The following RPS6KA2 variants were observed in gnomAD, a reference collection of about 807,000 sequenced individuals.
The protein encoded by RPS6KA2 is ribosomal protein S6 kinase alpha-2.
A neutral mutation model predicts 91.8 loss-of-function variants in RPS6KA2; 42 were observed. The ratio of observed to expected loss-of-function variants is 0.46; its 90% CI spans 0.36 to 0.59. The LOEUF is 0.59. Ranked by LOEUF, RPS6KA2 falls within the 20% of genes least tolerant of loss-of-function variation. The pLI is 0.00. For missense variants in RPS6KA2, 798 were observed against 978.5 expected (o/e 0.82, Z 2.46); for synonymous variants, 414 against 393.6 (o/e 1.05, Z -0.61).
In RPS6KA2 at chr6:166,413,949, G is replaced by A. The variant is rs13206530; in HGVS notation, c.1939-18C>T. 6 of 1,611,056 alleles carry A rather than the reference G, an allele frequency of 3.7e-6. No homozygotes were observed. Among genetic ancestry groups the A allele is most frequent in the Non-Finnish European group, 5.1e-6 (6 of 1,179,102 alleles). ...ACGACGTCCTGCCAGGGAAGGTCAT[G>A]AGAGTCGGGGGGATGGTTGGATCAT... On this transcript the variant is annotated intron_variant, in intron 19 of 20. Transcript: ENST00000265678.
chr6:166,591,282 G>A (rs1785346520), intron 1 of RPS6KA2, among the ~76,000 whole-genome samples: 1 of 152,198 alleles, frequency 6.6e-6, no homozygotes, highest in African/African-American at 2.4e-5. Flanking sequence ...CCACACTGGA[G>A]TGCCTTCTGG....
intron 1 of RPS6KA2, among the ~76,000 whole-genome samples, chr6:166,565,760 T>C (rs1784481456): frequency 6.6e-6 from 1 of 152,154 alleles, no homozygotes; most frequent in South Asian, 2.1e-4. Flanking sequence ...GGGGTGCTCC[T>C]GTGTGGGCCA....
chr6:166,710,127 T>C (rs1789799778), intron 2 of RPS6KA2, among the ~76,000 whole-genome samples: 2 of 152,224 alleles, frequency 1.3e-5, no homozygotes, highest in African/African-American at 4.8e-5. Context: ...ACAAATCTCA[T>C]AGTTTACCTT....
rs1164525407 is a variant in RPS6KA2 at position 166,412,090 on chromosome 6, A to C, written c.*672T>G. 6.6e-6 allele frequency: 1 copy of C among 152,310 alleles called. No homozygotes were observed. The highest frequency in any genetic ancestry group is 1.5e-5 in the Non-Finnish European group (1 of 68,048). 9.4% of individuals were successfully genotyped at this position (152,310 alleles called of 1,614,324 possible). On this transcript the variant is annotated 3_prime_UTR_variant, in exon 21 of 21. Transcript: ENST00000265678. The surrounding 1 kb of genome is among the most constrained non-coding windows in gnomAD (Gnocchi z 4.3). The stretch of plus-strand genomic sequence containing the variant: ...GTGACACGGAGCTCTCAAGGCAAAG[A>C]TCCAGCCTGCCTTCCTCTCGTCTGG...
intron 6 of RPS6KA2, among the ~76,000 whole-genome samples, chr6:166,502,683 G>A (rs1268470661): frequency 4.6e-5 from 7 of 152,200 alleles, no homozygotes; most frequent in African/African-American, 1.7e-4. Flanking sequence ...CCTTGGCAAC[G>A]ACCCAAGGTG....
Position 166,626,873 on chromosome 6 carries a change from G to T in RPS6KA2, c.99+48C>A. The T allele has an allele frequency of 7.1e-7, 1 of 1,399,792 alleles. No individual in the cohort carries two copies. Among genetic ancestry groups the T allele is most frequent in the Non-Finnish European group, 9.4e-7 (1 of 1,063,934 alleles). 86.7% of individuals were successfully genotyped at this position (1,399,792 alleles called of 1,614,324 possible). A position where few individuals can be genotyped will look rare whatever the true frequency, so the allele number is the denominator to read the frequency against. On this transcript the variant is annotated intron_variant, in intron 1 of 20. Transcript: ENST00000265678. The surrounding 1 kb of genome is among the most constrained non-coding windows in gnomAD (Gnocchi z 4.1). ...GGCGAGGCGGGCTCGGGCGACCACG[G>T]CCCGCTCAGTGCCCGGCACCTGCGC...
At chr6:166,631,405 C>T (rs1787070689), upstream of RPS6KA2, among the ~76,000 whole-genome samples, 5 of 152,212 alleles carry the variant, frequency 3.3e-5, no homozygotes, top group South Asian at 6.2e-4. Flanking sequence ...CCTCCCTCCC[C>T]GCTGGAGCCC....
rs1788306199 is a variant in RPS6KA2 at position 166,666,022 on chromosome 6, G to A, written c.124-127238C>T. Reference sequence around the variant, plus strand: ...GGAAAAGCCCACATCACCACAGGCTGCGATCTGAAGGAGCAGAGATTAGCA... The same window carrying A: ...GGAAAAGCCCACATCACCACAGGCTACGATCTGAAGGAGCAGAGATTAGCA... On this transcript the variant is annotated intron_variant, in intron 2 of 21. Transcript: ENST00000503859. The surrounding 1 kb of genome is among the most constrained non-coding windows in gnomAD (Gnocchi z 4.0). Among the ~76,000 whole-genome samples, 2 of 152,332 alleles carry A rather than the reference G, an allele frequency of 1.3e-5. No homozygotes were observed. Among genetic ancestry groups the A allele is most frequent in the South Asian group, 4.2e-4 (2 of 4,818 alleles).
chr6:166,738,894 C>T (rs932731693), intron 2 of RPS6KA2, among the ~76,000 whole-genome samples: 3 of 152,154 alleles, frequency 2.0e-5, no homozygotes, highest in African/African-American at 7.2e-5. Flanking sequence ...GGGAAACATT[C>T]CCAAGCTTTA....
At chr6:166,430,907 G>T (rs1319057481) in intron 15 of RPS6KA2, among the ~76,000 whole-genome samples, 1 of 152,126 alleles carries the variant, frequency 6.6e-6, no homozygotes, top group African/African-American at 2.4e-5. Flanking sequence ...ACTCTGCCAG[G>T]AGATATTTGT....
chr6:166,815,344 C>T lies in RPS6KA2; in HGVS notation c.123+42856G>A, dbSNP rs376341644. Among the ~76,000 whole-genome samples, 10 of 152,292 alleles carry T rather than the reference C, an allele frequency of 6.6e-5. No individual in the cohort carries two copies. In the East Asian group the frequency reaches 1.2e-3, roughly 18 times the overall value. On this transcript the variant is annotated intron_variant, in intron 2 of 21. Transcript: ENST00000503859. The stretch of plus-strand genomic sequence containing the variant: ...CACTACTAGACCTCTGATCCCTGTG[C>T]GGATGCTGCCTGCCACATGCTTCAC...
chr6:166,536,909 C>A (rs754789339), intron 2 of RPS6KA2, among the ~76,000 whole-genome samples: 2 of 152,220 alleles, frequency 1.3e-5, no homozygotes, highest in African/African-American at 2.4e-5. Flanking sequence ...ATCATTCCAA[C>A]GGGATTCTGC....
intron 2 of RPS6KA2, among the ~76,000 whole-genome samples, chr6:166,796,903 T>C (rs539101300): frequency 6.6e-6 from 1 of 152,332 alleles, no homozygotes; most frequent in East Asian, 1.9e-4. Context: ...ACAACTCTTT[T>C]CTCCCGCTAA....
intron 2 of RPS6KA2, among the ~76,000 whole-genome samples, chr6:166,724,348 T>C (rs1790276018): frequency 6.6e-6 from 1 of 152,200 alleles, no homozygotes; most frequent in African/African-American, 2.4e-5. Context: ...TAGCTCTTTG[T>C]TGTAGACTGT....
At chr6:166,537,357 T>C (rs1046562233) in intron 2 of RPS6KA2, among the ~76,000 whole-genome samples, 3 of 152,270 alleles carry the variant, frequency 2.0e-5, no homozygotes, top group East Asian at 3.8e-4. Context: ...ACTGTCACAT[T>C]ACGCAGGCTC....
chr6:166,836,101 T>C (rs1780309121), intron 2 of RPS6KA2, among the ~76,000 whole-genome samples: 1 of 152,174 alleles, frequency 6.6e-6, no homozygotes, highest in Non-Finnish European at 1.5e-5. Flanking sequence ...TTATTCTTTT[T>C]GTATGTTGCT....
At chr6:166,685,971 A>C (rs570389264) in intron 2 of RPS6KA2, among the ~76,000 whole-genome samples, 1 of 152,302 alleles carries the variant, frequency 6.6e-6, no homozygotes, top group Non-Finnish European at 1.5e-5. Context: ...AGGGCGAACG[A>C]AGGGGCTGAG....
intron 2 of RPS6KA2, among the ~76,000 whole-genome samples, chr6:166,812,377 T>C (rs7770159): frequency 0.22 from 34,077 of 151,840 alleles, 4,894 homozygotes; most frequent in African/African-American, 0.41. Context: ...ATAAAGCGTC[T>C]GGGCTCCCAG....
intron 1 of RPS6KA2, among the ~76,000 whole-genome samples, chr6:166,550,566 T>C (rs890770825): frequency 6.6e-6 from 1 of 152,184 alleles, no homozygotes; most frequent in African/African-American, 2.4e-5. Context: ...CATGGACGCC[T>C]GCAATATGGA....
Sources: gnomAD v4.1 joint callset for allele counts (sites outside exome capture counted in the v4.1 genomes callset) on GRCh38, gnomAD v4.1.1 for gene constraint, Gnocchi (gnomAD v3.1) non-coding constraint, MANE v1.5 for transcripts, NCBI Gene and HGNC (gene_info 2026-07-23, HGNC 2026-07-21) for gene names.